RSAD2: variants seen among roughly 807,000 people sequenced by gnomAD.
RSAD2 encodes the protein radical S-adenosyl methionine domain containing 2.
RSAD2 carries 38 observed loss-of-function variants against 37.7 expected under a neutral mutation model. The ratio of observed to expected loss-of-function variants is 1.01; its 90% CI spans 0.78 to 1.32. The LOEUF is 1.32. Ranked by LOEUF, RSAD2 falls within the 40% of genes most tolerant of loss-of-function variation. RSAD2 has a pLI of 0.00. For missense variants in RSAD2, 428 were observed against 437.5 expected (o/e 0.98, Z 0.19); for synonymous variants, 163 against 157.4 (o/e 1.04, Z -0.27).
intron 3 of RSAD2, among the ~76,000 whole-genome samples, chr2:6,889,671 TACAC>T (rs1663592189): frequency 2.6e-5 from 4 of 152,232 alleles, no homozygotes; most frequent in Admixed American, 2.6e-4. Flanking sequence ...TCCACACTCT[TACAC>T]ACACATTTGT....
At chr2:6,872,509 C>T (rs1295826136) in intron 1 of RSAD2, among the ~76,000 whole-genome samples, 1 of 151,960 alleles carries the variant, frequency 6.6e-6, no homozygotes, top group Non-Finnish European at 1.5e-5. Flanking sequence ...ATTCTGTTTG[C>T]AAGTGTATGA....
At chr2:6,877,661 C>T, upstream of RSAD2, 2 of 656,034 alleles carry the variant, frequency 3.0e-6, no homozygotes, top group East Asian at 2.8e-5. Flanking sequence ...AAAATCGAAA[C>T]TCTAACTCAG....
At chr2:6,895,515 T>C (rs184388791) in intron 5 of RSAD2, among the ~76,000 whole-genome samples, 31 of 152,376 alleles carry the variant, frequency 2.0e-4, no homozygotes, top group African/African-American at 7.2e-4. Context: ...CCAGTGGAAC[T>C]ACATCTGCCC....
Position 6,878,005 on chromosome 2 carries a change from C to G in RSAD2, c.205C>G (p.Pro69Ala). The G allele has an allele frequency of 6.2e-7, 1 of 1,614,176 alleles. No individual in the cohort carries two copies. The highest frequency in any genetic ancestry group is 8.5e-7 in the Non-Finnish European group (1 of 1,180,008). ...AGAGGAGGAAGAGGACCCTCCTCTG[C>G]CCACCACCCCAACCAGCGTCAACTA... ...TKEEEEDPPL[P>A]TTPTSVNYHF... Residue 69 changes from proline to alanine, a missense_variant, in exon 1 of 6, where the codon CCC (proline) becomes GCC (alanine). By Grantham distance (27) the Pro-to-Ala change is conservative. Coordinates refer to ENST00000382040, the MANE Select transcript of RSAD2 (RefSeq NM_080657.5).
rs139068887 is a variant in RSAD2, at chr2:6,880,558, C to A, written c.346+2412C>A. Among the ~76,000 whole-genome samples the A allele has an allele frequency of 2.0e-4, 30 of 152,220 alleles. No individual in the cohort carries two copies. In the East Asian group the frequency reaches 5.0e-3, roughly 26 times the overall value. On this transcript the variant is annotated intron_variant, in intron 1 of 5. Coordinates refer to ENST00000382040, the MANE Select transcript of RSAD2 (RefSeq NM_080657.5). The stretch of plus-strand genomic sequence containing the variant: ...TTTAGGCCCACTGTTTTACTGGGAC[C>A]CATTGTATGACAGTGAAGTTTGGCA...
intron 4 of RSAD2, among the ~76,000 whole-genome samples, chr2:6,891,527 G>T (rs6748514): frequency 1.8e-4 from 28 of 152,200 alleles, no homozygotes; most frequent in Admixed American, 6.5e-4. Flanking sequence ...CAGCACTTTG[G>T]GGGGCTGAGA....
At chr2:6,868,186 AT>A (rs1326747495) in intron 1 of RSAD2, among the ~76,000 whole-genome samples, 1 of 152,240 alleles carries the variant, frequency 6.6e-6, no homozygotes, top group Non-Finnish European at 1.5e-5. Flanking sequence ...TTTTCTAGCC[AT>A]TCTGCTCCTA....
At chr2:6,870,684 C>G (rs1663187781) in intron 1 of RSAD2, among the ~76,000 whole-genome samples, 1 of 152,188 alleles carries the variant, frequency 6.6e-6, no homozygotes, top group Non-Finnish European at 1.5e-5. Flanking sequence ...GCCTTTCCAG[C>G]CAGTTCTCTC....
rs926097540 is a variant in RSAD2, at chr2:6,896,099, A to G, written c.*157A>G. The stretch of plus-strand genomic sequence containing the variant: ...ATTACCTGTGGTCACTGAACACACG[A>G]ATAACTTGGATAGCAAATCCTGAGA... On this transcript the variant is annotated 3_prime_UTR_variant, in exon 6 of 6. Transcript: ENST00000382040. 2.3e-5 allele frequency: 13 copies of G among 577,312 alleles called. No individual in the cohort carries two copies. Among genetic ancestry groups the G allele is most frequent in the Middle Eastern group, 3.0e-4 (1 of 3,306 alleles). 35.8% of individuals were successfully genotyped at this position (577,312 alleles called of 1,614,324 possible).
At position 6,877,848 on chromosome 2, in the gene RSAD2, G is replaced by A; in HGVS notation, c.48G>A (p.Val16=). The change falls in exon 1 of 6, where the codon GTG becomes GTA. Residue 16 remains valine (V), a synonymous_variant. Coordinates refer to ENST00000382040, the MANE Select transcript of RSAD2 (RefSeq NM_080657.5). ...PAAFAGKLLS[V]FRQPLSSLWR... ...CTTTTGCTGGGAAGCTCTTGAGTGT[G>A]TTCAGGCAACCTCTGAGCTCTCTGT... is the stretch of plus-strand genomic sequence containing the variant. The A allele has an allele frequency of 6.2e-7, 1 of 1,614,140 alleles. No homozygotes were observed. The highest frequency in any genetic ancestry group is 2.2e-5 in the East Asian group (1 of 44,882).
intron 2 of RSAD2, among the ~76,000 whole-genome samples, chr2:6,886,185 A>T (rs1021092576): frequency 1.3e-5 from 2 of 152,240 alleles, no homozygotes; most frequent in Admixed American, 6.5e-5. Flanking sequence ...CTTAAGAGAT[A>T]AGTGGATAGC....
rs1053189122 is a variant in RSAD2 at position 6,896,198 on chromosome 2, G to C, written c.*256G>C. The C allele has an allele frequency of 1.1e-5, 4 of 362,964 alleles. No individual in the cohort carries two copies. The highest frequency in any genetic ancestry group is 2.0e-5 in the African/African-American group (1 of 48,958). 22.5% of individuals were successfully genotyped at this position (362,964 alleles called of 1,614,324 possible). A position where few individuals can be genotyped will look rare whatever the true frequency, so the allele number is the denominator to read the frequency against. On this transcript the variant is annotated 3_prime_UTR_variant, in exon 6 of 6. Coordinates refer to ENST00000382040, the MANE Select transcript of RSAD2 (RefSeq NM_080657.5). ...ATTGAAACAGCACTTCTGTTTTTGA[G>C]TTTGTTTTAGCTAAAAAGAAGGAAT...
upstream of RSAD2, among the ~76,000 whole-genome samples, chr2:6,875,655 A>G (rs1187010957): frequency 6.6e-6 from 1 of 152,210 alleles, no homozygotes; most frequent in Admixed American, 6.5e-5. Flanking sequence ...GAAAGGAGAA[A>G]TAATGCTTGA....
intron 1 of RSAD2, among the ~76,000 whole-genome samples, chr2:6,882,971 G>A (rs75766412): frequency 0.02 from 2,727 of 134,972 alleles, 92 homozygotes; most frequent in African/African-American, 0.063. Flanking sequence ...AGCCCAAGAG[G>A]GTGGGCGATG....
At chr2:6,892,166 A>G (rs1297581219) in intron 4 of RSAD2, among the ~76,000 whole-genome samples, 1 of 152,190 alleles carries the variant, frequency 6.6e-6, no homozygotes, top group African/African-American at 2.4e-5. Flanking sequence ...ATACAGGAAA[A>G]TCTCTACCCC....
chr2:6,871,927 A>C (rs575982849), intron 1 of RSAD2, among the ~76,000 whole-genome samples: 31 of 152,322 alleles, frequency 2.0e-4, no homozygotes, highest in African/African-American at 7.5e-4. Flanking sequence ...AAGGTTTTTA[A>C]TTTTATTATA....
Position 6,877,870 on chromosome 2 carries a change from CTG to C in RSAD2, c.73_74del (p.Trp25GlufsTer33). 1 of 1,614,132 alleles carries C rather than the reference CTG, an allele frequency of 6.2e-7. No individual in the cohort carries two copies. Among genetic ancestry groups the C allele is most frequent in the Admixed American group, 1.7e-5 (1 of 60,008 alleles). On this transcript the variant is annotated frameshift_variant, in exon 1 of 6. Coordinates refer to ENST00000382040, the MANE Select transcript of RSAD2 (RefSeq NM_080657.5). LOFTEE classifies it high-confidence loss of function. ...TGTGTTCAGGCAACCTCTGAGCTCT[CTG>C]TGGAGGAGCCTGGTCCCGCTGTTCT... ...LSVFRQPLSS[L>X]WRSLVPLFCW...
chr2:6,890,597 T>C (rs575221394), intron 4 of RSAD2, among the ~76,000 whole-genome samples: 1 of 152,324 alleles, frequency 6.6e-6, no homozygotes, highest in South Asian at 2.1e-4. Flanking sequence ...TAGATTCATG[T>C]AGATATTCTT....
At chr2:6,880,055 T>G (rs1463557619) in intron 1 of RSAD2, among the ~76,000 whole-genome samples, 1 of 152,140 alleles carries the variant, frequency 6.6e-6, no homozygotes, top group Non-Finnish European at 1.5e-5. Flanking sequence ...AAAGATAAAT[T>G]ATTATTAATA....
Sources: allele counts gnomAD v4.1 joint callset (sites outside exome capture counted in the v4.1 genomes callset), GRCh38; gene constraint gnomAD v4.1.1; transcripts MANE v1.5; gene names NCBI Gene and HGNC (gene_info 2026-07-23, HGNC 2026-07-21).